The following RORA variants were observed in gnomAD, a reference collection of about 807,000 sequenced individuals.
RORA encodes the protein RAR related orphan receptor A.
In RORA, 7 loss-of-function variants were observed where a neutral mutation model predicts 69.5. The observed-to-expected ratio is 0.10, with a 90% confidence interval of 0.06 to 0.19. RORA has a LOEUF of 0.19. Ranked by LOEUF, RORA falls within the 10% of genes least tolerant of loss-of-function variation. The pLI is 1.00. For synonymous variants in RORA, 261 were observed against 240.8 expected (o/e 1.08, Z -0.78); for missense variants, 457 against 663.0 (o/e 0.69, Z 3.41).
chr15:61,171,166 A>T (rs989421490), intron 1 of RORA, among the ~76,000 whole-genome samples: 3 of 152,136 alleles, frequency 2.0e-5, no homozygotes, highest in African/African-American at 7.2e-5. Flanking sequence ...GACCTGCCCC[A>T]CGGGCAGCTG....
intron 1 of RORA, among the ~76,000 whole-genome samples, chr15:60,720,044 A>G (rs915818360): frequency 1.3e-5 from 2 of 152,200 alleles, no homozygotes; most frequent in Non-Finnish European, 2.9e-5. Flanking sequence ...AGTCTTTGTC[A>G]TAAAATAGAA....
At chr15:60,526,594 C>T (rs561750228) in intron 3 of RORA, among the ~76,000 whole-genome samples, 8 of 152,214 alleles carry the variant, frequency 5.3e-5, no homozygotes, top group South Asian at 2.1e-4. Context: ...CAAAAATTTT[C>T]GCTTACTGCC....
chr15:60,744,819 G>A (rs753111451), intron 1 of RORA, among the ~76,000 whole-genome samples: 2 of 152,146 alleles, frequency 1.3e-5, no homozygotes, highest in Non-Finnish European at 2.9e-5. Context: ...ACTCCTTCCT[G>A]GTATCTTCTC....
intron 1 of RORA, among the ~76,000 whole-genome samples, chr15:60,834,274 A>G (rs973015354): frequency 3.9e-5 from 6 of 152,156 alleles, no homozygotes; most frequent in Admixed American, 3.9e-4. Context: ...TCATGTTTTC[A>G]TTTCTGAGTG....
chr15:61,143,998 A>C (rs2079323452), intron 1 of RORA, among the ~76,000 whole-genome samples: 1 of 152,230 alleles, frequency 6.6e-6, no homozygotes, highest in Non-Finnish European at 1.5e-5. Flanking sequence ...AAAGAGGCAA[A>C]AGTATCTGCA....
At chr15:60,821,813 A>G (rs1270175496) in intron 1 of RORA, among the ~76,000 whole-genome samples, 7 of 152,224 alleles carry the variant, frequency 4.6e-5, no homozygotes, top group Non-Finnish European at 8.8e-5. Flanking sequence ...CCCCAGTTTT[A>G]TTAATCCCAT....
intron 1 of RORA, among the ~76,000 whole-genome samples, chr15:60,683,406 G>A (rs946627382): frequency 1.3e-5 from 2 of 152,122 alleles, no homozygotes; most frequent in East Asian, 3.9e-4. Flanking sequence ...CCAAGCAACA[G>A]GCTGTCAGAT....
chr15:61,109,215 C>T (rs774492913), intron 1 of RORA, among the ~76,000 whole-genome samples: 12 of 152,106 alleles, frequency 7.9e-5, no homozygotes, highest in Non-Finnish European at 1.5e-4. Flanking sequence ...ATAATATTAA[C>T]CAGTACCATA....
intron 1 of RORA, among the ~76,000 whole-genome samples, chr15:61,044,580 T>TA (rs1473308022): frequency 6.6e-6 from 1 of 152,234 alleles, no homozygotes; most frequent in Non-Finnish European, 1.5e-5. Flanking sequence ...TATATTGAGT[T>TA]AAAAAATGTA....
intron 1 of RORA, among the ~76,000 whole-genome samples, chr15:60,746,756 T>C (rs564463985): frequency 6.6e-6 from 1 of 152,336 alleles, no homozygotes; most frequent in East Asian, 1.9e-4. Context: ...ATACTTCGTC[T>C]TGCATAGACC....
At chr15:60,505,701 T>C in intron 5 of RORA, 72 bp from the exon 6 acceptor site, 1 of 1,545,936 alleles carries the variant, frequency 6.5e-7, no homozygotes, top group Admixed American at 1.7e-5. Flanking sequence ...TAATATTTGC[T>C]TTAAGAAATA....
At chr15:60,779,075 C>T (rs7173227) in intron 1 of RORA, among the ~76,000 whole-genome samples, 31,100 of 152,036 alleles carry the variant, frequency 0.2, 3,659 homozygotes, top group East Asian at 0.5. Context: ...ATTTTATAGA[C>T]GAGAATGTTT....
chr15:60,626,833 A>G (rs541881688), intron 2 of RORA, among the ~76,000 whole-genome samples: 2 of 152,234 alleles, frequency 1.3e-5, no homozygotes, highest in African/African-American at 4.8e-5. Flanking sequence ...TCACTCACTC[A>G]CCACCATTGG....
chr15:61,208,981 G>A (rs528243522), intron 1 of RORA, among the ~76,000 whole-genome samples: 32 of 152,044 alleles, frequency 2.1e-4, no homozygotes, highest in Admixed American at 1.4e-3. Context: ...TATATTTTTC[G>A]TTTTCTTGTC....
intron 2 of RORA, among the ~76,000 whole-genome samples, chr15:60,648,273 G>A (rs1000792991): frequency 4.6e-5 from 7 of 152,236 alleles, no homozygotes; most frequent in African/African-American, 1.7e-4. Flanking sequence ...GTTGGCTTTA[G>A]TAGAGTATGA....
At chr15:61,157,441 T>C (rs570190520) in intron 1 of RORA, among the ~76,000 whole-genome samples, 1 of 152,288 alleles carries the variant, frequency 6.6e-6, no homozygotes, top group South Asian at 2.1e-4. Flanking sequence ...AACTAAGTGA[T>C]ATAGTGAATA....
chr15:60,666,433 C>G (rs1045384558), intron 2 of RORA, among the ~76,000 whole-genome samples: 1 of 151,176 alleles, frequency 6.6e-6, no homozygotes, highest in Non-Finnish European at 1.5e-5. Flanking sequence ...AATCCCCCCT[C>G]CTCAGCCTCC....
At position 60,515,949 on chromosome 15, in the gene RORA, T is replaced by TTA. The variant is rs1387928313; in HGVS notation, c.283-1194_283-1193dup. Among the ~76,000 whole-genome samples, 5 of 15,528 alleles carry TTA rather than the reference T, an allele frequency of 3.2e-4. 1 individual carries two copies. Among genetic ancestry groups the TTA allele is most frequent in the African/African-American group, 1.4e-3 (5 of 3,664 alleles). 10.2% of individuals were successfully genotyped at this position (15,528 alleles called of 152,430 possible). On this transcript the variant is annotated intron_variant, in intron 3 of 10. Transcript: ENST00000335670. ...TATTTATATATATATTTATATATAT[T>TTA]TATATATTTATATTTATATATATTT...
Position 60,905,053 on chromosome 15 carries a change from T to A in RORA, c.167-226367A>T, listed in dbSNP as rs1567231915. Among the ~76,000 whole-genome samples, 1 of 152,176 alleles carries A rather than the reference T, an allele frequency of 6.6e-6. No individual in the cohort carries two copies. Among genetic ancestry groups the A allele is most frequent in the Admixed American group, 6.5e-5 (1 of 15,282 alleles). On this transcript the variant is annotated intron_variant, in intron 1 of 10. Coordinates refer to ENST00000335670, the MANE Select transcript of RORA (RefSeq NM_134261.3). This position sits in a 1 kb window ranked among gnomAD's most constrained non-coding sequence, Gnocchi z 4.8. ...TTACCTGAACAAACGGGTGAGGGCT[T>A]GAGGCTCTGGGGGCGCTCGTCTTTA...
Sources: gnomAD v4.1 joint callset for allele counts (sites outside exome capture counted in the v4.1 genomes callset) on GRCh38, gnomAD v4.1.1 for gene constraint, Gnocchi (gnomAD v3.1) non-coding constraint, MANE v1.5 for transcripts, NCBI Gene and HGNC (gene_info 2026-07-23, HGNC 2026-07-21) for gene names.